C9: variants seen among roughly 807,000 people sequenced by gnomAD.
C9 encodes complement component C9.
Under a neutral mutation model 65.4 loss-of-function variants are expected in C9, and 63 were observed. The ratio of observed to expected loss-of-function variants is 0.96; its 90% CI spans 0.79 to 1.19. The LOEUF is 1.19. Ranked by LOEUF, C9 falls within the 50% of genes most tolerant of loss-of-function variation. The pLI is 0.00. For synonymous variants in C9, 229 were observed against 227.9 expected (o/e 1.00, Z -0.04); for missense variants, 744 against 670.1 (o/e 1.11, Z -1.22).
chr5:39,325,654 C>T (rs1753734856), intron 5 of C9, among the ~76,000 whole-genome samples: 1 of 151,944 alleles, frequency 6.6e-6, no homozygotes, highest in South Asian at 2.1e-4. Context: ...CGCCTCAAAT[C>T]CCAGCTACTC....
At chr5:39,334,140 C>T (rs1271161375) in intron 4 of C9, among the ~76,000 whole-genome samples, 31 of 149,756 alleles carry the variant, frequency 2.1e-4, no homozygotes, top group Non-Finnish European at 3.8e-4. Flanking sequence ...CCTCTCTGCC[C>T]GGCCGCCATC....
chr5:39,344,785 A>T (rs1449408028), intron 1 of C9, among the ~76,000 whole-genome samples: 7 of 152,224 alleles, frequency 4.6e-5, no homozygotes. Flanking sequence ...AGGTCAGCTT[A>T]CCCATAAAGG....
At chr5:39,329,430 A>G (rs1332121173) in intron 5 of C9, among the ~76,000 whole-genome samples, 1 of 152,202 alleles carries the variant, frequency 6.6e-6, no homozygotes, top group African/African-American at 2.4e-5. Flanking sequence ...TTATAGATAA[A>G]GAAACTGAGG....
intron 5 of C9, among the ~76,000 whole-genome samples, chr5:39,322,301 A>C (rs1753677765): frequency 6.6e-6 from 1 of 152,020 alleles, no homozygotes; most frequent in Admixed American, 6.5e-5. Flanking sequence ...ATAAATAAAA[A>C]TGAAAACATT....
intron 7 of C9, 64 bp downstream of exon 7, chr5:39,311,073 T>C: frequency 1.3e-6 from 2 of 1,557,646 alleles, no homozygotes; most frequent in Non-Finnish European, 1.8e-6. Flanking sequence ...TGAAACAGGT[T>C]GGTGAACAAA....
At chr5:39,334,210 C>A (rs541632258) in intron 4 of C9, among the ~76,000 whole-genome samples, 96 of 151,684 alleles carry the variant, frequency 6.3e-4, no homozygotes, top group African/African-American at 2.1e-3. Context: ...AAGTGAGGAG[C>A]GTCTCTGCCC....
intron 9 of C9, among the ~76,000 whole-genome samples, chr5:39,302,065 A>G (rs1400733139): frequency 6.6e-6 from 1 of 152,078 alleles, no homozygotes; most frequent in African/African-American, 2.4e-5. Context: ...AGGAAATACA[A>G]TTTGGATTAA....
intron 5 of C9, among the ~76,000 whole-genome samples, chr5:39,325,940 C>T (rs977096647): frequency 6.6e-6 from 1 of 152,106 alleles, no homozygotes; most frequent in South Asian, 2.1e-4. Context: ...TACCAGCATT[C>T]GAATCATTAT....
intron 9 of C9, among the ~76,000 whole-genome samples, chr5:39,292,393 A>C (rs868049643): frequency 5.2e-4 from 78 of 151,372 alleles, no homozygotes; most frequent in Non-Finnish European, 2.1e-4. Flanking sequence ...TTTATACCTA[A>C]TGAAATGTCA....
chr5:39,341,159 T>A lies in C9; in HGVS notation c.463A>T (p.Thr155Ser). ...TAAAATACACACCCATAGCCTGCTG[T>A]TCGTGCCAGCTCAGACTCTTCTACC... ...RVVEESELAR[T>S]AGYGINILGM... The change falls in exon 4 of 11, where the codon ACA becomes TCA. Residue 155 changes from threonine to serine, a missense_variant. By Grantham distance (58) the Thr-to-Ser change is moderately conservative. Transcript: ENST00000263408. 4 of 1,614,202 alleles carry A rather than the reference T, an allele frequency of 2.5e-6. No individual in the cohort carries two copies. Among genetic ancestry groups the A allele is most frequent in the Non-Finnish European group, 3.4e-6 (4 of 1,180,026 alleles).
intron 9 of C9, among the ~76,000 whole-genome samples, chr5:39,297,183 C>T (rs921369310): frequency 6.6e-6 from 1 of 151,392 alleles, no homozygotes; most frequent in Non-Finnish European, 1.5e-5. Context: ...AAATAAATGA[C>T]AAATGTTTTA....
chr5:39,299,414 G>T (rs1326105681), intron 9 of C9, among the ~76,000 whole-genome samples: 1 of 151,984 alleles, frequency 6.6e-6, no homozygotes, highest in Non-Finnish European at 1.5e-5. Flanking sequence ...ATCCCCGTCT[G>T]GGAACAAATA....
intron 1 of C9, among the ~76,000 whole-genome samples, chr5:39,351,895 G>GTATCTT (rs1754330558): frequency 6.6e-6 from 1 of 152,030 alleles, no homozygotes; most frequent in African/African-American, 2.4e-5. Flanking sequence ...ACATTTTCAG[G>GTATCTT]TATCTTTAAA....
chr5:39,313,243 T>C (rs962038264), intron 6 of C9, among the ~76,000 whole-genome samples: 7 of 152,336 alleles, frequency 4.6e-5, no homozygotes, highest in African/African-American at 1.7e-4. Context: ...CTATACTGTA[T>C]ATTTTGAATT....
intron 10 of C9, 57 bp downstream of exon 10, chr5:39,288,666 A>T: frequency 1.1e-6 from 1 of 900,188 alleles, no homozygotes; most frequent in Non-Finnish European, 1.9e-6. Flanking sequence ...TTTTCAAATT[A>T]GATAACCCCA....
rs776419891 is a variant in C9, at chr5:39,331,784, G to A, written c.507C>T (p.Ser169=). 3.1e-6 allele frequency: 5 copies of A among 1,613,180 alleles called. No individual in the cohort carries two copies. The highest frequency in any genetic ancestry group is 4.2e-6 in the Non-Finnish European group (5 of 1,179,112). The part of the protein sequence containing the change: ...GINILGMDPL[S]TPFDNEFYNG... ...TGTAGAACTCATTGTCAAAAGGTGT[G>A]CTTAGGGGATCCATCCCTAAAATGT... The change falls in exon 5 of 11, where the codon AGC becomes AGT. Residue 169 remains serine, a synonymous_variant. Coordinates refer to ENST00000263408, the MANE Select transcript of C9 (RefSeq NM_001737.5).
chr5:39,333,537 G>A (rs1753881925), intron 4 of C9, among the ~76,000 whole-genome samples: 1 of 131,552 alleles, frequency 7.6e-6, no homozygotes, highest in Admixed American at 8.2e-5. Context: ...CCAGCCTTGT[G>A]AGAAATAAAC....
intron 4 of C9, among the ~76,000 whole-genome samples, chr5:39,334,309 G>C (rs2081112): frequency 6.9e-6 from 1 of 145,682 alleles, no homozygotes; most frequent in Admixed American, 6.7e-5. Flanking sequence ...CCGCAACCCC[G>C]TCTGGGAGGA....
intron 3 of C9, 88 bp downstream of exon 3, chr5:39,341,466 CAA>C: frequency 1.3e-6 from 2 of 1,521,218 alleles, no homozygotes; most frequent in Admixed American, 3.4e-5. Flanking sequence ...CTTGGAAATC[CAA>C]GTGTCCAGAA....
Sources: allele counts gnomAD v4.1 joint callset (sites outside exome capture counted in the v4.1 genomes callset), GRCh38; gene constraint gnomAD v4.1.1; transcripts MANE v1.5; gene names NCBI Gene and HGNC (gene_info 2026-07-23, HGNC 2026-07-21).